HIVEP3: variants seen among roughly 807,000 people sequenced by gnomAD.
The protein encoded by HIVEP3 is HIVEP zinc finger 3.
A neutral mutation model predicts 152.8 loss-of-function variants in HIVEP3; 49 were observed. That is an observed-to-expected ratio of 0.32 (90% CI 0.26 to 0.41). HIVEP3 has a LOEUF of 0.41. HIVEP3 is among the 10% of genes least tolerant of loss of function. HIVEP3 has a pLI of 1.00. For missense variants in HIVEP3, 2,790 were observed against 3,103.3 expected (o/e 0.90, Z 2.40); for synonymous variants, 1,269 against 1,289.0 (o/e 0.98, Z 0.33).
chr1:41,563,124 A>T (rs530317673), intron 5 of HIVEP3, among the ~76,000 whole-genome samples: 1 of 152,096 alleles, frequency 6.6e-6, no homozygotes, highest in Non-Finnish European at 1.5e-5. Context: ...AAGTGAGCGG[A>T]TCACTTGAAG....
At position 41,582,387 on chromosome 1, in the gene HIVEP3, C is replaced by G; in HGVS notation, c.2411G>C (p.Ser804Thr). 1.2e-6 allele frequency: 2 copies of G among 1,614,206 alleles called. No individual in the cohort carries two copies. The highest frequency in any genetic ancestry group is 1.7e-6 in the Non-Finnish European group (2 of 1,180,022). ...GAGAGAATCAGATTTCTCAAAGGAG[C>G]TGGTGTGCTGGATGACAGAAATTTC... ...SKEISVIQHT[S>T]SFEKSDSLEQ... is the part of the protein sequence containing the mutation. Residue 804 changes from serine (S) to threonine (T), a missense_variant, in exon 4 of 9, where the codon AGC becomes ACC. By Grantham distance (58) the Ser-to-Thr change is moderately conservative. Around this residue, in one of 9 missense-constraint regions of HIVEP3, gnomAD observed 1,078 missense variants for 1,165.3 expected, o/e 0.93. Transcript: ENST00000372583. This position sits in a 1 kb window ranked among gnomAD's most constrained non-coding sequence, Gnocchi z 4.7.
At chr1:41,595,466 G>A (rs12164654) in intron 3 of HIVEP3, among the ~76,000 whole-genome samples, 4,327 of 152,266 alleles carry the variant, frequency 0.028, 201 homozygotes, top group African/African-American at 0.1. Context: ...GGGACATGCC[G>A]AGAAAGGAGT....
chr1:41,908,825 C>T (rs183016233), intron 1 of HIVEP3, among the ~76,000 whole-genome samples: 2 of 152,264 alleles, frequency 1.3e-5, no homozygotes, highest in East Asian at 3.9e-4. Context: ...AAGACAATAG[C>T]CAACAAAGTG....
intron 1 of HIVEP3, among the ~76,000 whole-genome samples, chr1:41,791,121 T>TACACAC (rs60729364): frequency 0.014 from 1,997 of 140,792 alleles, 28 homozygotes; most frequent in Middle Eastern, 0.025. Context: ...CACACATGTG[T>TACACAC]ACACACACAC....
intron 1 of HIVEP3, among the ~76,000 whole-genome samples, chr1:41,781,452 T>C (rs146190168): frequency 8.3e-4 from 127 of 152,382 alleles, no homozygotes; most frequent in African/African-American, 2.9e-3. Context: ...CTGTCTATTC[T>C]ACTTCCTAAA....
At chr1:41,795,484 G>A (rs1261973627) in intron 1 of HIVEP3, among the ~76,000 whole-genome samples, 1 of 152,134 alleles carries the variant, frequency 6.6e-6, no homozygotes, top group Non-Finnish European at 1.5e-5. Flanking sequence ...TAACTGTGAA[G>A]TTACTATTTT....
At chr1:41,545,315 T>TACCATCGCC (rs1210992111) in intron 5 of HIVEP3, among the ~76,000 whole-genome samples, 2 of 81,930 alleles carry the variant, frequency 2.4e-5, no homozygotes, top group South Asian at 4.4e-4. Context: ...CCACCATCGC[T>TACCATCGCC]ACCATCGCCA....
intron 3 of HIVEP3, among the ~76,000 whole-genome samples, chr1:41,600,229 A>C (rs1435544247): frequency 6.6e-6 from 1 of 152,230 alleles, no homozygotes. Context: ...TATACTCAAA[A>C]GAATTGAAAT....
At position 41,696,335 on chromosome 1, in the gene HIVEP3, C is replaced by T. The variant is rs1354165071; in HGVS notation, c.-721+4581G>A. ...CCACGGGGCGCAGCCTGCTGGGCCA[C>T]GAACATCAACAGCAGCCCCTTCCTG... On this transcript the variant is annotated intron_variant, in intron 2 of 8. Coordinates refer to ENST00000372583, the MANE Select transcript of HIVEP3 (RefSeq NM_024503.5). Among the ~76,000 whole-genome samples, 16 of 152,248 alleles carry T rather than the reference C, an allele frequency of 1.1e-4. No individual in the cohort carries two copies. In the South Asian group the frequency reaches 2.1e-3, roughly 20 times the overall value.
chr1:41,848,684 C>T (rs942051360), intron 1 of HIVEP3, among the ~76,000 whole-genome samples: 2 of 152,082 alleles, frequency 1.3e-5, no homozygotes, highest in African/African-American at 2.4e-5. Flanking sequence ...GGGCAGAAGG[C>T]GAGAGCAGAG....
At chr1:41,545,317 C>T (rs1643733586) in intron 5 of HIVEP3, among the ~76,000 whole-genome samples, 1 of 144,862 alleles carries the variant, frequency 6.9e-6, no homozygotes, top group Non-Finnish European at 1.5e-5. Flanking sequence ...ACCATCGCTA[C>T]CATCGCCACC....
At chr1:41,750,320 C>A (rs1647139807) in intron 1 of HIVEP3, among the ~76,000 whole-genome samples, 1 of 152,212 alleles carries the variant, frequency 6.6e-6, no homozygotes, top group African/African-American at 2.4e-5. Flanking sequence ...ACATGGAATT[C>A]ATCAACAAAT....
At chr1:41,844,582 C>T (rs1232710771) in intron 1 of HIVEP3, among the ~76,000 whole-genome samples, 1 of 152,192 alleles carries the variant, frequency 6.6e-6, no homozygotes, top group Non-Finnish European at 1.5e-5. Context: ...ACACCCCTTT[C>T]ATTTTCTAAG....
At chr1:41,780,977 A>G (rs898582277) in intron 1 of HIVEP3, among the ~76,000 whole-genome samples, 1 of 152,250 alleles carries the variant, frequency 6.6e-6, no homozygotes, top group Non-Finnish European at 1.5e-5. Flanking sequence ...AATTTTAATT[A>G]CAAGTTCTTG....
intron 7 of HIVEP3, among the ~76,000 whole-genome samples, chr1:41,516,999 T>C (rs1558019828): frequency 6.6e-6 from 1 of 152,254 alleles, no homozygotes; most frequent in Non-Finnish European, 1.5e-5. Context: ...CAGGAGCTGT[T>C]TTATTTATTG....
At chr1:41,789,068 G>A (rs926380791) in intron 1 of HIVEP3, among the ~76,000 whole-genome samples, 19 of 152,210 alleles carry the variant, frequency 1.2e-4, no homozygotes, top group African/African-American at 4.3e-4. Flanking sequence ...CCTCACAGCA[G>A]CTGCAGGCAC....
intron 5 of HIVEP3, among the ~76,000 whole-genome samples, chr1:41,528,769 TCA>T (rs1291604904): frequency 3.2e-5 from 3 of 93,224 alleles, no homozygotes; most frequent in Non-Finnish European, 4.4e-5. Flanking sequence ...ACACTCACCT[TCA>T]CACACTCCAC....
intron 1 of HIVEP3, among the ~76,000 whole-genome samples, chr1:41,791,639 C>G (rs1004273024): frequency 6.6e-6 from 1 of 152,100 alleles, no homozygotes; most frequent in African/African-American, 2.4e-5. Context: ...CTACCATATA[C>G]CAAGGCTAGA....
Position 41,510,120 on chromosome 1 carries a change from G to A in HIVEP3, c.*331C>T, listed in dbSNP as rs935192887. Reference sequence around the variant, plus strand: ...TTCCCTCTGCCAGCCTCTGGGGTGGGTGGCTGCCAACCACAGCGGGGAGGG... The same window carrying A: ...TTCCCTCTGCCAGCCTCTGGGGTGGATGGCTGCCAACCACAGCGGGGAGGG... On this transcript the variant is annotated 3_prime_UTR_variant, in exon 9 of 9. Transcript: ENST00000372583. The A allele has an allele frequency of 1.3e-5, 3 of 233,440 alleles. No homozygotes were observed. The highest frequency in any genetic ancestry group is 4.5e-5 in the African/African-American group (2 of 44,438). The allele number at this position is 233,440 out of a possible 1,614,324, so 14.5% of individuals were successfully genotyped here.
Sources: gnomAD v4.1 joint callset for allele counts (sites outside exome capture counted in the v4.1 genomes callset) on GRCh38, gnomAD v4.1.1 for gene constraint, gnomAD v4.1.1 regional missense constraint, Gnocchi (gnomAD v3.1) non-coding constraint, MANE v1.5 for transcripts, NCBI Gene and HGNC (gene_info 2026-07-23, HGNC 2026-07-21) for gene names.